GRID2: variants seen among roughly 807,000 people sequenced by gnomAD.
GRID2 encodes the protein glutamate receptor ionotropic, delta-2.
In GRID2, 33 loss-of-function variants were observed where a neutral mutation model predicts 114.8. That is an observed-to-expected ratio of 0.29 (90% confidence interval 0.22 to 0.38). The LOEUF is 0.38. Among genes scored for constraint, GRID2 ranks in the 10% least tolerant of loss-of-function variants. The pLI, the probability that GRID2 is intolerant of heterozygous loss-of-function variation, is 1.00. For missense variants in GRID2, 1,184 were observed against 1,257.7 expected (o/e 0.94, Z 0.89); for synonymous variants, 505 against 449.9 (o/e 1.12, Z -1.55).
chr4:93,596,439 A>G (rs1393939119), intron 13 of GRID2, among the ~76,000 whole-genome samples: 1 of 152,038 alleles, frequency 6.6e-6, no homozygotes. Flanking sequence ...TTAGCTGGGC[A>G]TGGTGGCAGG....
intron 14 of GRID2, among the ~76,000 whole-genome samples, chr4:93,704,206 T>C (rs1727786278): frequency 6.6e-6 from 1 of 152,226 alleles, no homozygotes; most frequent in Non-Finnish European, 1.5e-5. Flanking sequence ...TGTGAGATGG[T>C]ATCTCATTGT....
At chr4:93,031,182 A>G (rs1014599734) in intron 2 of GRID2, among the ~76,000 whole-genome samples, 4 of 151,578 alleles carry the variant, frequency 2.6e-5, no homozygotes, top group African/African-American at 9.7e-5. Flanking sequence ...AGTAGCTGGG[A>G]CTATAGGCAC....
intron 2 of GRID2, among the ~76,000 whole-genome samples, chr4:92,646,888 C>CTTTT (rs33921659): frequency 1.8e-5 from 1 of 56,148 alleles, no homozygotes; most frequent in African/African-American, 5.7e-5. Context: ...TCTTTGAATT[C>CTTTT]TTTTTTTTTT....
chr4:93,504,563 C>T (rs766314637), intron 12 of GRID2, among the ~76,000 whole-genome samples: 6 of 151,796 alleles, frequency 4.0e-5, no homozygotes, highest in South Asian at 2.1e-4. Context: ...TTAATAGGGA[C>T]GAATATGTGA....
chr4:92,609,073 A>G (rs1729593753), intron 2 of GRID2, among the ~76,000 whole-genome samples: 1 of 151,796 alleles, frequency 6.6e-6, no homozygotes, highest in South Asian at 2.1e-4. Flanking sequence ...ATTAGTAAAG[A>G]TGAAGTGTTA....
intron 14 of GRID2, among the ~76,000 whole-genome samples, chr4:93,635,453 G>A (rs1017807383): frequency 3.3e-5 from 5 of 150,784 alleles, no homozygotes; most frequent in Admixed American, 3.3e-4. Context: ...AACATTTTAT[G>A]CTATAAGATG....
At chr4:93,404,290 AT>A (rs1345288240) in intron 9 of GRID2, among the ~76,000 whole-genome samples, 1 of 152,140 alleles carries the variant, frequency 6.6e-6, no homozygotes, top group Non-Finnish European at 1.5e-5. Flanking sequence ...GGAGCTGGTA[AT>A]AAAGTTCTAA....
At chr4:92,549,122 C>CAA (rs35094573) in intron 1 of GRID2, among the ~76,000 whole-genome samples, 41,078 of 111,598 alleles carry the variant, frequency 0.37, 6,145 homozygotes, top group East Asian at 0.43. Context: ...AGGTCTTCCG[C>CAA]AAAAAAAAAA....
At chr4:93,132,616 T>G (rs1378992569) in intron 4 of GRID2, among the ~76,000 whole-genome samples, 2 of 152,208 alleles carry the variant, frequency 1.3e-5, no homozygotes, top group African/African-American at 4.8e-5. Flanking sequence ...CAACGTGACA[T>G]ATATTCACTA....
intron 1 of GRID2, among the ~76,000 whole-genome samples, chr4:92,589,375 T>G (rs1030798859): frequency 2.0e-5 from 3 of 152,218 alleles, no homozygotes; most frequent in South Asian, 2.1e-4. Context: ...GGTCGTATAC[T>G]TAACAAGTGA....
In GRID2 at chr4:92,677,536, A is replaced by AAGGAG. The variant is rs1288165450; in HGVS notation, c.244+87251_244+87252insGGAGA. ...CCTTGCATGTGAAAAAAGTTTTTCT[A>AAGGAG]ATTCATGCCCCAAATTGAACTCTTG... is the stretch of plus-strand genomic sequence containing the variant. On this transcript the variant is annotated intron_variant, in intron 2 of 15. Coordinates refer to ENST00000282020, the MANE Select transcript of GRID2 (RefSeq NM_001510.4). Among the ~76,000 whole-genome samples the AAGGAG allele has an allele frequency of 3.5e-4, 54 of 152,168 alleles. No homozygotes were observed. In the East Asian group the frequency reaches 0.01, roughly 28 times the overall value.
chr4:93,780,269 A>C (rs901549512), intron 1 of GRID2, among the ~76,000 whole-genome samples: 2 of 152,198 alleles, frequency 1.3e-5, no homozygotes, highest in Non-Finnish European at 2.9e-5. Context: ...GGAGTTAGCC[A>C]TGTTGCTGTC....
chr4:92,674,929 GT>G (rs1193443460), intron 2 of GRID2, among the ~76,000 whole-genome samples: 1 of 152,014 alleles, frequency 6.6e-6, no homozygotes, highest in African/African-American at 2.4e-5. Flanking sequence ...CTCTGTATCT[GT>G]TTGTATTGAC....
At chr4:93,453,852 A>G (rs1320678621) in intron 10 of GRID2, among the ~76,000 whole-genome samples, 3 of 152,180 alleles carry the variant, frequency 2.0e-5, no homozygotes, top group African/African-American at 2.4e-5. Flanking sequence ...GGCCTGAAAA[A>G]GTAAATGCAT....
chr4:93,798,830 C>A (rs965680857), intron 1 of GRID2, among the ~76,000 whole-genome samples: 1 of 152,172 alleles, frequency 6.6e-6, no homozygotes, highest in Admixed American at 6.5e-5. Flanking sequence ...GAGGCCAGAG[C>A]CCTGGGTTTG....
intron 14 of GRID2, among the ~76,000 whole-genome samples, chr4:93,707,486 A>G (rs962027918): frequency 6.6e-6 from 1 of 152,066 alleles, no homozygotes; most frequent in African/African-American, 2.4e-5. Flanking sequence ...ATTTGTTGGC[A>G]TATAGTTGCT....
intron 2 of GRID2, among the ~76,000 whole-genome samples, chr4:92,688,591 A>G (rs1734036459): frequency 6.6e-6 from 1 of 152,164 alleles, no homozygotes; most frequent in Non-Finnish European, 1.5e-5. Flanking sequence ...AGTGGCAAAA[A>G]TCACAATTCT....
intron 14 of GRID2, among the ~76,000 whole-genome samples, chr4:93,723,814 G>T (rs1729601205): frequency 6.6e-6 from 1 of 151,896 alleles, no homozygotes; most frequent in African/African-American, 2.4e-5. Context: ...CTGTCTTCTG[G>T]GAATCATATA....
intron 2 of GRID2, among the ~76,000 whole-genome samples, chr4:92,600,044 G>GAA (rs1553905577): frequency 3.3e-4 from 18 of 54,434 alleles, no homozygotes; most frequent in African/African-American, 1.2e-3. Flanking sequence ...GTGTGTGTGT[G>GAA]TATATATATA....
Sources: gnomAD v4.1 joint callset for allele counts (sites outside exome capture counted in the v4.1 genomes callset) on GRCh38, gnomAD v4.1.1 for gene constraint, MANE v1.5 for transcripts, NCBI Gene and HGNC (gene_info 2026-07-23, HGNC 2026-07-21) for gene names.